ACTR3C: variants seen among roughly 807,000 people sequenced by gnomAD.
ACTR3C encodes the protein actin-related protein 3C.
In ACTR3C, 18 loss-of-function variants were observed where a neutral mutation model predicts 26.3. The ratio of observed to expected loss-of-function variants is 0.68; its 90% CI spans 0.47 to 1.01. The LOEUF is 1.01. Ranked by LOEUF, ACTR3C falls within the 50% of genes least tolerant of loss-of-function variation. ACTR3C has a pLI of 0.00. For synonymous variants in ACTR3C, 55 were observed against 94.5 expected (o/e 0.58, Z 2.42); for missense variants, 184 against 250.7 (o/e 0.73, Z 1.80).
the ACTR3C span, among the ~76,000 whole-genome samples, chr7:150,013,033 AC>A: frequency 5.1e-5 from 7 of 137,092 alleles, no homozygotes; most frequent in South Asian, 2.6e-4. Flanking sequence ...AATCTTGAGA[AC>A]CCTTGTAAGT....
At chr7:150,175,812 G>GGAAAAA in the ACTR3C span, among the ~76,000 whole-genome samples, 1 of 38,166 alleles carries the variant, frequency 2.6e-5, no homozygotes, top group African/African-American at 1.4e-4. Flanking sequence ...GACTCCATCT[G>GGAAAAA]AACAAAAAAA....
At chr7:150,120,606 CA>C in the ACTR3C span, among the ~76,000 whole-genome samples, 1 of 150,248 alleles carries the variant, frequency 6.7e-6, no homozygotes, top group Non-Finnish European at 1.5e-5. Context: ...GCCTACCAAC[CA>C]AAAAAAAAGC....
the ACTR3C span, among the ~76,000 whole-genome samples, chr7:150,120,849 A>G: frequency 6.6e-6 from 1 of 152,214 alleles, no homozygotes; most frequent in Non-Finnish European, 1.5e-5. Flanking sequence ...AAAATACTGG[A>G]AAACTGAATA....
the ACTR3C span, among the ~76,000 whole-genome samples, chr7:150,129,303 A>C: frequency 6.6e-6 from 1 of 152,154 alleles, no homozygotes; most frequent in Non-Finnish European, 1.5e-5. Context: ...TGAATACTGA[A>C]CACTTTTCCC....
chr7:150,037,816 A>T, the ACTR3C span, among the ~76,000 whole-genome samples: 403 of 30,936 alleles, frequency 0.013, 31 homozygotes, highest in Admixed American at 0.064. Context: ...GGGAAGAGGG[A>T]CTGGCACTCA....
the ACTR3C span, among the ~76,000 whole-genome samples, chr7:149,899,072 C>G: frequency 6.6e-6 from 1 of 151,740 alleles, no homozygotes; most frequent in Non-Finnish European, 1.5e-5. Context: ...GACCCCCACA[C>G]TGGCAATAAT....
At chr7:150,111,859 A>G in the ACTR3C span, among the ~76,000 whole-genome samples, 1 of 148,312 alleles carries the variant, frequency 6.7e-6, no homozygotes, top group African/African-American at 2.6e-5. Context: ...ATCCCCGTGT[A>G]ATGACCTGCG....
At chr7:150,136,443 G>A in the ACTR3C span, among the ~76,000 whole-genome samples, 1 of 152,124 alleles carries the variant, frequency 6.6e-6, no homozygotes, top group Non-Finnish European at 1.5e-5. Flanking sequence ...GCCGAGGCAG[G>A]TGGATCACCT....
the ACTR3C span, among the ~76,000 whole-genome samples, chr7:149,991,630 A>G: frequency 2.4e-4 from 37 of 152,376 alleles, no homozygotes; most frequent in Non-Finnish European, 4.6e-4. Flanking sequence ...GCATCACCTC[A>G]GGCCCGGTCT....
chr7:150,121,422 T>C, the ACTR3C span, among the ~76,000 whole-genome samples: 1 of 150,788 alleles, frequency 6.6e-6, no homozygotes, highest in African/African-American at 2.5e-5. Context: ...TGCACAAGCA[T>C]TCCTATACAC....
At chr7:150,159,870 T>TCTCGGCTCACCGCAAC in the ACTR3C span, among the ~76,000 whole-genome samples, 1 of 152,196 alleles carries the variant, frequency 6.6e-6, no homozygotes, top group Admixed American at 6.5e-5. Context: ...TGTGGCGCGA[T>TCTCGGCTCACCGCAAC]CTCGGCTCAC....
the ACTR3C span, among the ~76,000 whole-genome samples, chr7:149,972,274 T>C: frequency 6.6e-6 from 1 of 152,258 alleles, no homozygotes; most frequent in Non-Finnish European, 1.5e-5. Flanking sequence ...TCTTCCACTC[T>C]GTTTGCAAGT....
At chr7:150,272,863 A>T (rs1317579) in intron 6 of ACTR3C, among the ~76,000 whole-genome samples, 4,013 of 136,614 alleles carry the variant, frequency 0.029, 853 homozygotes, top group African/African-American at 0.12. Flanking sequence ...CTAATTTTTT[A>T]AATTTTTCTT....
At chr7:150,139,220 G>A in the ACTR3C span, among the ~76,000 whole-genome samples, 1 of 152,256 alleles carries the variant, frequency 6.6e-6, no homozygotes, top group East Asian at 1.9e-4. Context: ...GCTGTAGCAG[G>A]TCACAGATAA....
chr7:150,227,443 TC>T, the ACTR3C span, among the ~76,000 whole-genome samples: 1 of 151,398 alleles, frequency 6.6e-6, no homozygotes, highest in Non-Finnish European at 1.5e-5. Flanking sequence ...GTCCTCCAGC[TC>T]CATCCATGAT....
chr7:149,883,133 T>C, the ACTR3C span, among the ~76,000 whole-genome samples: 2 of 152,158 alleles, frequency 1.3e-5, no homozygotes, highest in African/African-American at 4.8e-5. Context: ...CAGGTGTTGG[T>C]AGGAACAAAC....
the ACTR3C span, among the ~76,000 whole-genome samples, chr7:149,903,469 A>G: frequency 6.7e-5 from 10 of 150,326 alleles, no homozygotes; most frequent in African/African-American, 2.4e-4. Context: ...TTTTTTAAAT[A>G]TTTTGACGAC....
At chr7:149,960,188 TGA>T in the ACTR3C span, among the ~76,000 whole-genome samples, 1 of 151,906 alleles carries the variant, frequency 6.6e-6, no homozygotes, top group East Asian at 1.9e-4. Context: ...AAACTGTCTT[TGA>T]GGTATTATGA....
the ACTR3C span, among the ~76,000 whole-genome samples, chr7:150,214,653 G>A: frequency 6.6e-6 from 1 of 152,036 alleles, no homozygotes; most frequent in Non-Finnish European, 1.5e-5. Context: ...ACAAGATAAT[G>A]GCCACCAAAT....
Sources: gnomAD v4.1 joint callset for allele counts (sites outside exome capture counted in the v4.1 genomes callset) on GRCh38, gnomAD v4.1.1 for gene constraint, MANE v1.5 for transcripts, NCBI Gene and HGNC (gene_info 2026-07-23, HGNC 2026-07-21) for gene names.